STK32B: variants seen among roughly 807,000 people sequenced by gnomAD.
STK32B encodes serine/threonine-protein kinase 32B.
Under a neutral mutation model 52.6 loss-of-function variants are expected in STK32B, and 43 were observed. The ratio of observed to expected loss-of-function variants is 0.82; its 90% CI spans 0.64 to 1.05. The LOEUF (loss-of-function observed/expected upper bound fraction) is 1.05. STK32B is among the 50% of genes least tolerant of loss of function. The probability of loss-of-function intolerance (pLI) is 0.00; values close to 1 mark genes in which losing one functional copy is unlikely to be tolerated. For missense variants in STK32B, 621 were observed against 534.6 expected (o/e 1.16, Z -1.59); for synonymous variants, 238 against 204.3 (o/e 1.17, Z -1.41).
intron 2 of STK32B, among the ~76,000 whole-genome samples, chr4:5,155,802 C>G (rs561848953): frequency 6.6e-6 from 1 of 152,114 alleles, no homozygotes; most frequent in Non-Finnish European, 1.5e-5. Flanking sequence ...CCTGGCCAAA[C>G]GGAACTGTGA....
intron 1 of STK32B, among the ~76,000 whole-genome samples, chr4:5,096,162 A>G (rs1713381594): frequency 6.6e-6 from 1 of 152,250 alleles, no homozygotes; most frequent in Admixed American, 6.5e-5. Context: ...GTGCTGTAAC[A>G]TAGTAAAAAT....
intron 1 of STK32B, among the ~76,000 whole-genome samples, chr4:5,091,857 A>G (rs1713096103): frequency 2.0e-5 from 3 of 152,328 alleles, no homozygotes; most frequent in Non-Finnish European, 4.4e-5. Context: ...TAAATGGAAT[A>G]TTTTTGAGCC....
At chr4:5,294,484 T>C (rs1006533879) in intron 3 of STK32B, among the ~76,000 whole-genome samples, 4 of 152,168 alleles carry the variant, frequency 2.6e-5, no homozygotes, top group African/African-American at 9.6e-5. Flanking sequence ...GAAGGATTTC[T>C]TTACATCCCT....
At chr4:5,323,263 C>G (rs1020460777) in intron 3 of STK32B, among the ~76,000 whole-genome samples, 2 of 152,120 alleles carry the variant, frequency 1.3e-5, no homozygotes, top group South Asian at 4.2e-4. Context: ...GGAATCACCT[C>G]CGAGGCACAG....
intron 3 of STK32B, among the ~76,000 whole-genome samples, chr4:5,288,141 T>C (rs1052899293): frequency 6.6e-6 from 1 of 152,226 alleles, no homozygotes; most frequent in East Asian, 1.9e-4. Flanking sequence ...TACCATACTT[T>C]GTTTATACTT....
At chr4:5,049,551 G>A (rs941922968), upstream of STK32B, among the ~76,000 whole-genome samples, 1 of 152,190 alleles carries the variant, frequency 6.6e-6, no homozygotes, top group Non-Finnish European at 1.5e-5. Context: ...AGGGGCGAGG[G>A]TCACAAGGTG....
rs551202016 is a variant in STK32B at position 5,368,212 on chromosome 4, C to G, written c.435-29995C>G. ...ATAGTAATCACAATGGCAAACTCAC[C>G]ACTTGTTAGGTCTGCCTCTAAGGGC... is the stretch of plus-strand genomic sequence containing the variant. On this transcript the variant is annotated intron_variant, in intron 4 of 11. Transcript: ENST00000282908. Among the ~76,000 whole-genome samples the G allele has an allele frequency of 5.9e-5, 9 of 152,358 alleles. 1 individual carries two copies. In the East Asian group the frequency reaches 1.3e-3, roughly 23 times the overall value.
intron 3 of STK32B, among the ~76,000 whole-genome samples, chr4:5,186,665 C>T (rs1279307262): frequency 6.6e-5 from 10 of 152,148 alleles, no homozygotes; most frequent in Admixed American, 6.5e-4. Context: ...TGGAGAATGT[C>T]CCTGGGGTTT....
At position 5,305,750 on chromosome 4, in the gene STK32B, G is replaced by A. The variant is rs542861159; in HGVS notation, c.261-25470G>A. Among the ~76,000 whole-genome samples the A allele has an allele frequency of 2.0e-5, 3 of 152,006 alleles. No homozygotes were observed. In the East Asian group the frequency reaches 5.8e-4, roughly 29 times the overall value. On this transcript the variant is annotated intron_variant, in intron 3 of 11. Coordinates refer to ENST00000282908, the MANE Select transcript of STK32B (RefSeq NM_018401.3). ...ATTTCTTTTCCTTTGCTAGGGTTGG[G>A]TTTGGTTTTTTCTTGTTTCTCTAGC...
At chr4:5,060,177 G>C (rs1742165144) in intron 1 of STK32B, among the ~76,000 whole-genome samples, 1 of 152,090 alleles carries the variant, frequency 6.6e-6, no homozygotes, top group East Asian at 1.9e-4. Context: ...CGTTAGTCAG[G>C]CTGGTCTCGA....
At chr4:5,214,523 C>A (rs749491720) in intron 3 of STK32B, among the ~76,000 whole-genome samples, 10 of 152,184 alleles carry the variant, frequency 6.6e-5, no homozygotes, top group African/African-American at 1.2e-4. Context: ...CCCCAGGCAC[C>A]TTCAGTGCCA....
In STK32B at chr4:5,178,106, G is replaced by A. The variant is rs551727719; in HGVS notation, c.260+9656G>A. 8.5e-5 allele frequency among the ~76,000 whole-genome samples: 13 copies of A among 152,350 alleles called. No homozygotes were observed. The South Asian group carries it at 2.7e-3, about 32-fold the overall frequency. The stretch of plus-strand genomic sequence containing the variant: ...TTCCCTTCTGCATTGCCCTAGCAGA[G>A]GTTCTCCATAAGGGCTCTGCCCCTG... On this transcript the variant is annotated intron_variant, in intron 3 of 11. Transcript: ENST00000282908.
chr4:5,483,534 A>C (rs190387540), intron 11 of STK32B, among the ~76,000 whole-genome samples: 98 of 152,136 alleles, frequency 6.4e-4, no homozygotes, highest in African/African-American at 2.3e-3. Context: ...TTTTCCAAAA[A>C]CCAGCTCCTG....
At chr4:5,143,180 A>T (rs1271277384) in intron 2 of STK32B, among the ~76,000 whole-genome samples, 1 of 151,734 alleles carries the variant, frequency 6.6e-6, no homozygotes, top group Non-Finnish European at 1.5e-5. Context: ...TATTCTGGAA[A>T]ACCCTGACTG....
intron 1 of STK32B, among the ~76,000 whole-genome samples, chr4:5,133,900 G>A (rs982570464): frequency 6.6e-6 from 1 of 152,148 alleles, no homozygotes; most frequent in African/African-American, 2.4e-5. Context: ...GAAAATCAAG[G>A]CTTGGAAGTT....
chr4:5,349,601 C>G (rs181089505), intron 4 of STK32B, among the ~76,000 whole-genome samples: 1 of 151,942 alleles, frequency 6.6e-6, no homozygotes, highest in South Asian at 2.1e-4. Flanking sequence ...TATGAAACCC[C>G]AAAGGAACAC....
chr4:5,187,948 G>A (rs1294347985), intron 3 of STK32B, among the ~76,000 whole-genome samples: 7 of 152,144 alleles, frequency 4.6e-5, no homozygotes, highest in South Asian at 2.1e-4. Context: ...TGTAGTAGAC[G>A]TGGAAAATGG....
chr4:5,233,023 T>G (rs527594696), intron 3 of STK32B, among the ~76,000 whole-genome samples: 1 of 152,292 alleles, frequency 6.6e-6, no homozygotes, highest in Non-Finnish European at 1.5e-5. Context: ...CTGTGCTACT[T>G]GTGGTTTCCC....
intron 4 of STK32B, among the ~76,000 whole-genome samples, chr4:5,363,058 C>G (rs953078728): frequency 6.6e-6 from 1 of 152,150 alleles, no homozygotes; most frequent in African/African-American, 2.4e-5. Context: ...CACATACAAC[C>G]ACATTCCTGC....
Sources: allele counts gnomAD v4.1 joint callset (sites outside exome capture counted in the v4.1 genomes callset), GRCh38; gene constraint gnomAD v4.1.1; transcripts MANE v1.5; gene names NCBI Gene and HGNC (gene_info 2026-07-23, HGNC 2026-07-21).